KCNT2: variants seen among roughly 807,000 people sequenced by gnomAD.
The protein encoded by KCNT2 is potassium sodium-activated channel subfamily T member 2.
In KCNT2, 67 loss-of-function variants were observed where a neutral mutation model predicts 153.8. The ratio of observed to expected loss-of-function variants is 0.44; its 90% CI spans 0.36 to 0.53. The LOEUF (loss-of-function observed/expected upper bound fraction) is 0.53. KCNT2 is among the 20% of genes least tolerant of loss of function. The pLI is 0.00. For missense variants in KCNT2, 975 were observed against 1,354.8 expected (o/e 0.72, Z 4.40); for synonymous variants, 500 against 458.8 (o/e 1.09, Z -1.15).
At chr1:196,546,840 ACAATGTACGT>A (rs1388125056) in intron 1 of KCNT2, among the ~76,000 whole-genome samples, 2 of 152,094 alleles carry the variant, frequency 1.3e-5, no homozygotes, top group African/African-American at 4.8e-5. Context: ...AACTTAAGGC[ACAATGTACGT>A]CATGGAACAT....
chr1:196,243,530 T>G (rs1295939152), intron 26 of KCNT2, among the ~76,000 whole-genome samples: 1 of 152,060 alleles, frequency 6.6e-6, no homozygotes, highest in Non-Finnish European at 1.5e-5. Context: ...GTCTGTGCAC[T>G]CGGGGAATGG....
At chr1:196,290,875 C>T (rs1280711937) in intron 22 of KCNT2, among the ~76,000 whole-genome samples, 1 of 151,988 alleles carries the variant, frequency 6.6e-6, no homozygotes, top group Non-Finnish European at 1.5e-5. Flanking sequence ...ACATCAATTT[C>T]ATAAAAGTAC....
At chr1:196,283,402 T>C (rs1659311426) in intron 23 of KCNT2, among the ~76,000 whole-genome samples, 1 of 151,794 alleles carries the variant, frequency 6.6e-6, no homozygotes, top group Non-Finnish European at 1.5e-5. Flanking sequence ...GCCACTGCAC[T>C]CCAGCCTGGG....
At chr1:196,366,069 G>T (rs1341051371) in intron 14 of KCNT2, among the ~76,000 whole-genome samples, 1 of 151,902 alleles carries the variant, frequency 6.6e-6, no homozygotes, top group East Asian at 1.9e-4. Flanking sequence ...CTGGCCCATT[G>T]TTTCTTTTCA....
intron 8 of KCNT2, among the ~76,000 whole-genome samples, chr1:196,445,614 A>G (rs1675621149): frequency 6.6e-6 from 1 of 151,464 alleles, no homozygotes; most frequent in African/African-American, 2.4e-5. Context: ...CAACAGAGAA[A>G]CTTTGTCATA....
Position 196,337,012 on chromosome 1 carries a change from T to C in KCNT2, c.1784-2952A>G, listed in dbSNP as rs537490325. Among the ~76,000 whole-genome samples the C allele has an allele frequency of 2.6e-5, 4 of 152,304 alleles. No homozygotes were observed. The East Asian group carries it at 7.7e-4, about 29-fold the overall frequency. ...TCCTCAAAGACTTCATTTGGTCTTA[T>C]GGCTTTAAATATATACATAAGATCA... On this transcript the variant is annotated intron_variant, in intron 16 of 27. Transcript: ENST00000294725.
At chr1:196,347,149 A>T (rs1666210421) in intron 14 of KCNT2, among the ~76,000 whole-genome samples, 2 of 151,962 alleles carry the variant, frequency 1.3e-5, no homozygotes, top group Admixed American at 1.3e-4. Context: ...CTGCTGTTTT[A>T]TTTCCATTCT....
At chr1:196,480,289 C>T (rs371083755) in intron 4 of KCNT2, among the ~76,000 whole-genome samples, 1 of 152,108 alleles carries the variant, frequency 6.6e-6, no homozygotes, top group African/African-American at 2.4e-5. Context: ...CTGGAGATTA[C>T]ATTTTTTCTT....
intron 1 of KCNT2, among the ~76,000 whole-genome samples, chr1:196,597,082 T>C (rs1336399975): frequency 6.6e-6 from 1 of 152,140 alleles, no homozygotes; most frequent in African/African-American, 2.4e-5. Context: ...TAGTCCAATA[T>C]AGGTGAAGAG....
chr1:196,312,103 G>A (rs1269197109), intron 21 of KCNT2, among the ~76,000 whole-genome samples: 4 of 151,756 alleles, frequency 2.6e-5, no homozygotes, highest in Non-Finnish European at 4.4e-5. Context: ...TCTTTGTACT[G>A]GGATGGCTTA....
intron 1 of KCNT2, among the ~76,000 whole-genome samples, chr1:196,494,763 G>C (rs1193251304): frequency 6.6e-6 from 1 of 152,192 alleles, no homozygotes; most frequent in Non-Finnish European, 1.5e-5. Flanking sequence ...ATTATGAAGA[G>C]TTAGGAGTCA....
chr1:196,358,220 A>T (rs1267799194), intron 14 of KCNT2, among the ~76,000 whole-genome samples: 1 of 151,386 alleles, frequency 6.6e-6, no homozygotes, highest in Non-Finnish European at 1.5e-5. Flanking sequence ...TTTCTATGAG[A>T]TTATCTTCCA....
At chr1:196,434,746 A>C (rs552534348) in intron 8 of KCNT2, among the ~76,000 whole-genome samples, 1 of 151,990 alleles carries the variant, frequency 6.6e-6, no homozygotes, top group East Asian at 1.9e-4. Flanking sequence ...TTGACCAATA[A>C]ATATGACAAA....
intron 25 of KCNT2, among the ~76,000 whole-genome samples, chr1:196,277,699 A>G (rs1282114729): frequency 6.6e-6 from 1 of 152,164 alleles, no homozygotes; most frequent in African/African-American, 2.4e-5. Flanking sequence ...CAAGTAAGAG[A>G]ACAGGGCCAT....
chr1:196,328,343 A>G (rs1664092236), intron 18 of KCNT2, among the ~76,000 whole-genome samples: 1 of 152,098 alleles, frequency 6.6e-6, no homozygotes, highest in Non-Finnish European at 1.5e-5. Context: ...GAAAAAAAAC[A>G]GAACCTAGGG....
At chr1:196,553,333 A>T (rs1218556777) in intron 1 of KCNT2, among the ~76,000 whole-genome samples, 1 of 151,294 alleles carries the variant, frequency 6.6e-6, no homozygotes, top group Non-Finnish European at 1.5e-5. Context: ...CAATTTAGCA[A>T]GAAGATATAA....
At chr1:196,594,526 T>C (rs1457281805) in intron 1 of KCNT2, among the ~76,000 whole-genome samples, 1 of 152,134 alleles carries the variant, frequency 6.6e-6, no homozygotes, top group Non-Finnish European at 1.5e-5. Flanking sequence ...AGCCTTTGTA[T>C]GGACTACTTG....
intron 13 of KCNT2, among the ~76,000 whole-genome samples, chr1:196,390,167 C>T (rs1046131629): frequency 5.9e-5 from 9 of 151,292 alleles, no homozygotes; most frequent in African/African-American, 2.2e-4. Context: ...TATATTTTGG[C>T]ATATTTTTTT....
chr1:196,550,645 C>T lies in KCNT2; in HGVS notation c.95+57570G>A, dbSNP rs994657135. Among the ~76,000 whole-genome samples the T allele has an allele frequency of 2.0e-5, 3 of 151,750 alleles. No individual in the cohort carries two copies. In the South Asian group the frequency reaches 6.2e-4, roughly 31 times the overall value. ...AAATGGCTTAAAAATAAGCACAGGA[C>T]CACTTGCAGAGGTTCTAAAATAAAT... On this transcript the variant is annotated intron_variant, in intron 1 of 27. Coordinates refer to ENST00000294725, the MANE Select transcript of KCNT2 (RefSeq NM_198503.5).
Sources: gnomAD v4.1 joint callset for allele counts (sites outside exome capture counted in the v4.1 genomes callset) on GRCh38, gnomAD v4.1.1 for gene constraint, MANE v1.5 for transcripts, NCBI Gene and HGNC (gene_info 2026-07-23, HGNC 2026-07-21) for gene names.